The following MRO variants were observed in gnomAD, a reference collection of about 807,000 sequenced individuals.
The protein encoded by MRO is protein maestro.
A neutral mutation model predicts 31.0 loss-of-function variants in MRO; 28 were observed. The ratio of observed to expected loss-of-function variants is 0.90; its 90% CI spans 0.67 to 1.24. The LOEUF (loss-of-function observed/expected upper bound fraction) is 1.24, where lower values mean the gene tolerates loss of function less well. Ranked by LOEUF, MRO falls within the 50% of genes most tolerant of loss-of-function variation. The pLI, the probability that MRO is intolerant of heterozygous loss-of-function variation, is 0.00. For missense variants in MRO, 332 were observed against 289.2 expected (o/e 1.15, Z -1.07); for synonymous variants, 108 against 108.4 (o/e 1.00, Z 0.02).
intron 2 of MRO, among the ~76,000 whole-genome samples, chr18:50,809,980 G>C (rs545979034): frequency 6.6e-6 from 1 of 152,230 alleles, no homozygotes; most frequent in South Asian, 2.1e-4. Context: ...TGGGGCAGGG[G>C]TTTGAGACAG....
chr18:50,809,144 C>CAAAAA lies in MRO; in HGVS notation c.99+153_99+157dup, dbSNP rs61728184. ...TGGGCGACAGAGCGAGACTCCGTCT[C>CAAAAA]AAAAAAAAAAAAAAAAAAAAAAAAA... On this transcript the variant is annotated intron_variant, in intron 3 of 7. Coordinates refer to ENST00000398439, the MANE Select transcript of MRO (RefSeq NM_031939.6). Among the ~76,000 whole-genome samples, 43 of 99,092 alleles carry CAAAAA rather than the reference C, an allele frequency of 4.3e-4. 2 individuals are homozygous for CAAAAA. The highest frequency in any genetic ancestry group is 9.6e-4 in the East Asian group (3 of 3,118). The allele number at this position is 99,092 out of a possible 152,430, so 65.0% of individuals were successfully genotyped here.
At position 50,799,328 on chromosome 18, in the gene MRO, G is replaced by C. The variant is rs769583069; in HGVS notation, c.*9C>G. On this transcript the variant is annotated 3_prime_UTR_variant, in exon 8 of 8. Transcript: ENST00000398439. ...ACTCATACAGAACCATTTCCCTGCTGCTCTGCGCTTACAGAATTTTATTTG... is the reference window on the plus strand; with the variant it reads ...ACTCATACAGAACCATTTCCCTGCTCCTCTGCGCTTACAGAATTTTATTTG... 2 of 1,611,958 alleles carry C rather than the reference G, an allele frequency of 1.2e-6. No homozygotes were observed.
chr18:50,807,852 CG>C (rs1359417408), intron 3 of MRO, among the ~76,000 whole-genome samples: 33 of 152,302 alleles, frequency 2.2e-4, no homozygotes, highest in Middle Eastern at 3.4e-3. Flanking sequence ...CCGAGGCAGG[CG>C]GATCGCCTGA....
At chr18:50,801,118 T>G (rs1040196102) in intron 6 of MRO, among the ~76,000 whole-genome samples, 1 of 152,124 alleles carries the variant, frequency 6.6e-6, no homozygotes, top group Non-Finnish European at 1.5e-5. Flanking sequence ...TGAGCTTATC[T>G]TGCATTGACA....
chr18:50,809,348 G>A lies in MRO; in HGVS notation c.53C>T (p.Ser18Phe), dbSNP rs868805767. ...ILGQPLSIPT[S>F]QPKQKRTSMI... ...TGATGTCCTTTTCTGCTTGGGCTGGGAAGTAGGGATGGAAAGGGGCTGGCC... is the reference window on the plus strand; with the variant it reads ...TGATGTCCTTTTCTGCTTGGGCTGGAAAGTAGGGATGGAAAGGGGCTGGCC... The change falls in exon 3 of 8, where the codon TCC becomes TTC. Residue 18 changes from serine (S) to phenylalanine (F), a missense_variant. Physicochemically the swap from Ser to Phe is radical, Grantham distance 155. Transcript: ENST00000398439. The A allele has an allele frequency of 6.2e-7, 1 of 1,613,820 alleles. No homozygotes were observed. The highest frequency in any genetic ancestry group is 8.5e-7 in the Non-Finnish European group (1 of 1,179,902).
upstream of MRO, among the ~76,000 whole-genome samples, chr18:50,821,220 C>G (rs2849236): frequency 0.29 from 43,865 of 151,998 alleles, 6,735 homozygotes; most frequent in Non-Finnish European, 0.34. Flanking sequence ...TAATATGTGG[C>G]TGGTGCCAAG....
In MRO at chr18:50,796,004, G is replaced by T. The variant is rs534694651; in HGVS notation, c.*3333C>A. 6.6e-6 allele frequency: 1 copy of T among 152,140 alleles called. No homozygotes were observed. Among genetic ancestry groups the T allele is most frequent in the Non-Finnish European group, 1.5e-5 (1 of 68,028 alleles). The allele number at this position is 152,140 out of a possible 1,614,324, so 9.4% of individuals were successfully genotyped here. The stretch of plus-strand genomic sequence containing the variant: ...ACCAGAGACACAGGGACCAAGCAAA[G>T]CTCTACCCTGGGCACTTAGCATGAG... On this transcript the variant is annotated 3_prime_UTR_variant, in exon 8 of 8. Transcript: ENST00000398439.
upstream of MRO, among the ~76,000 whole-genome samples, chr18:50,823,139 G>T (rs9959695): frequency 0.2 from 29,722 of 151,864 alleles, 3,014 homozygotes; most frequent in Non-Finnish European, 0.23. Context: ...ATGAAAGCCC[G>T]CCAGCTAGCC....
chr18:50,815,250 C>A, intron 2 of MRO: 1 of 236,848 alleles, frequency 4.2e-6, no homozygotes, highest in South Asian at 6.6e-5. Flanking sequence ...TCTACCAGGT[C>A]ATAAAGAGGT....
At position 50,796,519 on chromosome 18, in the gene MRO, C is replaced by G. The variant is rs1335143047; in HGVS notation, c.*2818G>C. On this transcript the variant is annotated 3_prime_UTR_variant, in exon 8 of 8. Transcript: ENST00000398439. Reference sequence around the variant, plus strand: ...TGAGCTCTCCCCTGATTGGGGGGATCAGGACTTTGACCTAGGCATTGGAGT... The same window carrying G: ...TGAGCTCTCCCCTGATTGGGGGGATGAGGACTTTGACCTAGGCATTGGAGT... 1 of 152,026 alleles carries G rather than the reference C, an allele frequency of 6.6e-6. No homozygotes were observed. The highest frequency in any genetic ancestry group is 1.5e-5 in the Non-Finnish European group (1 of 68,024). The allele number at this position is 152,026 out of a possible 1,614,324, so 9.4% of individuals were successfully genotyped here.
At chr18:50,805,081 G>A (rs12458285) in intron 5 of MRO, 73 bp downstream of exon 5, 119,227 of 1,329,302 alleles carry the variant, frequency 0.09, 6,591 homozygotes, top group South Asian at 0.23. Flanking sequence ...ATGAGCCACC[G>A]CACCCGGCCC....
chr18:50,816,086 G>A (rs543695151), intron 2 of MRO: 1 of 152,566 alleles, frequency 6.6e-6, no homozygotes, highest in African/African-American at 2.4e-5. Context: ...TTCTTAGCAG[G>A]AGAAAGAACA....
At chr18:50,805,363 A>G (rs1326959885) in intron 4 of MRO, 27 bp from the exon 5 acceptor site, 1 of 1,604,570 alleles carries the variant, frequency 6.2e-7, no homozygotes, top group East Asian at 2.2e-5. Flanking sequence ...AAAAGCAGTA[A>G]TAGCACAGGA....
intron 6 of MRO, among the ~76,000 whole-genome samples, chr18:50,800,490 G>A (rs759245948): frequency 3.9e-5 from 6 of 152,206 alleles, no homozygotes; most frequent in Admixed American, 2.0e-4. Context: ...GTTTTGAAAC[G>A]TTCACCAAGT....
At chr18:50,821,640 C>T (rs2144686938), upstream of MRO, among the ~76,000 whole-genome samples, 1 of 152,254 alleles carries the variant, frequency 6.6e-6, no homozygotes, top group East Asian at 1.9e-4. Flanking sequence ...CCCTCCTCCC[C>T]ATGAACAGAA....
chr18:50,824,263 C>T (rs1568141460), upstream of MRO: 1 of 151,966 alleles, frequency 6.6e-6, no homozygotes, highest in Non-Finnish European at 1.5e-5. Context: ...AGGGAGACCC[C>T]CATCTCTATA....
chr18:50,807,911 C>A (rs183658874), intron 3 of MRO, among the ~76,000 whole-genome samples: 189 of 152,332 alleles, frequency 1.2e-3, no homozygotes, highest in African/African-American at 4.3e-3. Context: ...AACCCTGAAA[C>A]CCCGTCTCTA....
chr18:50,805,987 G>A (rs904156102), intron 4 of MRO, among the ~76,000 whole-genome samples: 9 of 149,970 alleles, frequency 6.0e-5, no homozygotes, highest in Non-Finnish European at 1.3e-4. Flanking sequence ...TTGAAATGGA[G>A]TCTCGCTCTG....
chr18:50,801,211 C>G, intron 6 of MRO, 138 bp downstream of exon 6: 1 of 712,478 alleles, frequency 1.4e-6, no homozygotes, highest in Non-Finnish European at 2.3e-6. Flanking sequence ...GGCACCTTGT[C>G]AAGGATGCAC....
Sources: gnomAD v4.1 joint callset for allele counts (sites outside exome capture counted in the v4.1 genomes callset) on GRCh38, gnomAD v4.1.1 for gene constraint, MANE v1.5 for transcripts, NCBI Gene and HGNC (gene_info 2026-07-23, HGNC 2026-07-21) for gene names.